Variants in VAV1 observed in about 807,000 individuals in gnomAD.
VAV1 encodes vav guanine nucleotide exchange factor 1.
A neutral mutation model predicts 128.1 loss-of-function variants in VAV1; 33 were observed. The observed-to-expected ratio is 0.26, with a 90% CI of 0.20 to 0.34. VAV1 has a LOEUF of 0.34. Ranked by LOEUF, VAV1 falls within the 10% of genes least tolerant of loss-of-function variation. VAV1 has a pLI of 1.00. For synonymous variants in VAV1, 394 were observed against 409.8 expected, an observed-to-expected ratio of 0.96 and a Z score of 0.47; for missense variants, 715 against 1,093.7, an observed-to-expected ratio of 0.65 and a Z score of 4.88.
Position 6,832,595 on chromosome 19 carries a change from CCT to C in VAV1, c.1508+398_1508+399del, listed in dbSNP as rs200370198. On this transcript the variant is annotated intron_variant, in intron 15 of 26. Transcript: ENST00000602142. The stretch of plus-strand genomic sequence containing the variant: ...CCTTCCTCCTCCTCGCCCTCCTCTT[CCT>C]CTTCCTCCTATTCCTCCTCCACCTC... 2.2e-3 allele frequency among the ~76,000 whole-genome samples: 282 copies of C among 130,520 alleles called. 2 individuals are homozygous for C. Among genetic ancestry groups the C allele is most frequent in the Middle Eastern group, 7.4e-3 (2 of 272 alleles). 85.6% of individuals were successfully genotyped at this position (130,520 alleles called of 152,430 possible). A position where few individuals can be genotyped will look rare whatever the true frequency, so the allele number is the denominator to read the frequency against.
Position 6,847,133 on chromosome 19 carries a change from C to T in VAV1, c.2013-865C>T, listed in dbSNP as rs1383563079. Among the ~76,000 whole-genome samples, 7 of 152,054 alleles carry T rather than the reference C, an allele frequency of 4.6e-5. No homozygotes were observed. In the South Asian group the frequency reaches 8.3e-4, roughly 18 times the overall value. On this transcript the variant is annotated intron_variant, in intron 22 of 26. Coordinates refer to ENST00000602142, the MANE Select transcript of VAV1 (RefSeq NM_005428.4). ...TTCACCATGTTGCCCAGGCTGGTCT[C>T]GAACTCCTGACCTTGTGATTCGCCC... is the stretch of plus-strand genomic sequence containing the variant.
At chr19:6,815,967 T>C (rs1235499338) in intron 1 of VAV1, among the ~76,000 whole-genome samples, 1 of 151,904 alleles carries the variant, frequency 6.6e-6, no homozygotes, top group East Asian at 1.9e-4. Flanking sequence ...GGCAGGAGGA[T>C]TGCTTGAGGA....
At chr19:6,844,445 G>C (rs560170728) in intron 22 of VAV1, among the ~76,000 whole-genome samples, 8 of 152,126 alleles carry the variant, frequency 5.3e-5, no homozygotes, top group Admixed American at 1.3e-4. Context: ...TCGAACTCCT[G>C]ATCTCAGGTG....
intron 21 of VAV1, among the ~76,000 whole-genome samples, chr19:6,842,351 A>G: frequency 6.6e-6 from 1 of 152,196 alleles, no homozygotes; most frequent in East Asian, 1.9e-4. Flanking sequence ...AGAGTAGTGT[A>G]AATCTGCTCA....
intron 24 of VAV1, 60 bp downstream of exon 24, chr19:6,850,817 C>T (rs866662522): frequency 2.0e-5 from 32 of 1,569,326 alleles, no homozygotes; most frequent in Middle Eastern, 3.4e-4. Flanking sequence ...CCTCCCTGCA[C>T]CTCCGCCTTG....
rs550363974 is a variant in VAV1 at position 6,847,959 on chromosome 19, G to A, written c.2013-39G>A. The stretch of plus-strand genomic sequence containing the variant: ...TATGGCAATATGGGGACCCAGGCAC[G>A]GGGACCGTGCCACCTCTGTCCTTGG... On this transcript the variant is annotated intron_variant, in intron 22 of 26. Transcript: ENST00000602142. The A allele has an allele frequency of 4.4e-5, 64 of 1,444,090 alleles. 1 individual carries two copies. The South Asian group carries it at 6.2e-4, about 14-fold the overall frequency. 89.5% of individuals were successfully genotyped at this position (1,444,090 alleles called of 1,614,324 possible).
At chr19:6,785,682 T>TA (rs1568283934) in intron 1 of VAV1, among the ~76,000 whole-genome samples, 4 of 127,422 alleles carry the variant, frequency 3.1e-5, no homozygotes, top group Non-Finnish European at 6.8e-5. Flanking sequence ...TTTTTTGAGA[T>TA]AGAGTCTTGC....
At position 6,841,292 on chromosome 19, in the gene VAV1, C is replaced by A. The variant is rs952032477; in HGVS notation, c.1981-1843C>A. ...GTTTATCCGTTTTCCTGTCAATGAA[C>A]AATTGGTTGCTTCAACTTTTGCGTA... is the stretch of plus-strand genomic sequence containing the variant. On this transcript the variant is annotated intron_variant, in intron 21 of 26. Coordinates refer to ENST00000602142, the MANE Select transcript of VAV1 (RefSeq NM_005428.4). Among the ~76,000 whole-genome samples, 3 of 152,088 alleles carry A rather than the reference C, an allele frequency of 2.0e-5. No homozygotes were observed. The East Asian group carries it at 5.8e-4, about 29-fold the overall frequency.
intron 21 of VAV1, among the ~76,000 whole-genome samples, chr19:6,839,307 C>T (rs561842297): frequency 6.6e-6 from 1 of 151,846 alleles, no homozygotes; most frequent in East Asian, 1.9e-4. Flanking sequence ...TCTCATAGAA[C>T]ATCCTTCTCT....
At chr19:6,838,424 CATCCATCCATCCATCT>C (rs1472015431) in intron 21 of VAV1, among the ~76,000 whole-genome samples, 57 of 150,870 alleles carry the variant, frequency 3.8e-4, no homozygotes, top group African/African-American at 1.2e-3. Context: ...TCCATCCATC[CATCCATCCATCCATCT>C]ATCATCTATC....
chr19:6,835,472 G>A (rs1424870336), intron 19 of VAV1, among the ~76,000 whole-genome samples: 1 of 152,092 alleles, frequency 6.6e-6, no homozygotes, highest in Non-Finnish European at 1.5e-5. Flanking sequence ...ATAATGGCCT[G>A]TGGCTAGTTG....
chr19:6,808,049 A>T (rs558083827), intron 1 of VAV1, among the ~76,000 whole-genome samples: 1 of 151,630 alleles, frequency 6.6e-6, no homozygotes, highest in South Asian at 2.1e-4. Flanking sequence ...GCGGTGGCTC[A>T]AGCCTATAAT....
At chr19:6,847,111 A>G (rs1233261682) in intron 22 of VAV1, among the ~76,000 whole-genome samples, 2 of 152,060 alleles carry the variant, frequency 1.3e-5, no homozygotes. Flanking sequence ...ACGAGGTTTC[A>G]CCATGTTGCC....
At chr19:6,784,331 G>A (rs943562796) in intron 1 of VAV1, 4 of 458,130 alleles carry the variant, frequency 8.7e-6, no homozygotes, top group African/African-American at 5.9e-5. Flanking sequence ...AGGCCATGGG[G>A]GAGGAATTCA....
At chr19:6,815,564 A>T (rs929300693) in intron 1 of VAV1, among the ~76,000 whole-genome samples, 3 of 152,234 alleles carry the variant, frequency 2.0e-5, no homozygotes, top group Non-Finnish European at 4.4e-5. Context: ...AGACTGTGGC[A>T]GCAATTGAGA....
chr19:6,829,129 T>C (rs576905606), intron 13 of VAV1, among the ~76,000 whole-genome samples: 1 of 142,890 alleles, frequency 7.0e-6, no homozygotes, highest in Non-Finnish European at 1.5e-5. Flanking sequence ...TCAACACAGA[T>C]CTGGGAGGAG....
chr19:6,798,144 G>T (rs1025224910), intron 1 of VAV1, among the ~76,000 whole-genome samples: 2 of 151,906 alleles, frequency 1.3e-5, no homozygotes, highest in African/African-American at 4.8e-5. Context: ...AGGCATGGTG[G>T]CACGCACCTA....
chr19:6,820,076 T>C lies in VAV1; in HGVS notation c.205-626T>C, dbSNP rs146048870. 2.6e-3 allele frequency among the ~76,000 whole-genome samples: 398 copies of C among 152,312 alleles called. 3 individuals are homozygous for C. Among genetic ancestry groups the C allele is most frequent in the African/African-American group, 9.1e-3 (380 of 41,572 alleles). On this transcript the variant is annotated intron_variant, in intron 1 of 26. Transcript: ENST00000602142. The surrounding 1 kb of genome is among the most constrained non-coding windows in gnomAD (Gnocchi z 4.4). ...GCTCCCACCTGTAATCTCAGCACTTTAGGAGGCCAAGGTGGGCAGATTCCT... is the reference window on the plus strand; with the variant it reads ...GCTCCCACCTGTAATCTCAGCACTTCAGGAGGCCAAGGTGGGCAGATTCCT...
intron 1 of VAV1, among the ~76,000 whole-genome samples, chr19:6,808,773 A>G (rs10853998): frequency 0.9 from 136,370 of 152,258 alleles, 61,325 homozygotes; most frequent in Non-Finnish European, 0.93. Context: ...CAATTAATTT[A>G]GTAAATTGTC....
Sources: allele counts gnomAD v4.1 joint callset (sites outside exome capture counted in the v4.1 genomes callset), GRCh38; gene constraint gnomAD v4.1.1; non-coding constraint Gnocchi (gnomAD v3.1); transcripts MANE v1.5; gene names NCBI Gene and HGNC (gene_info 2026-07-23, HGNC 2026-07-21).